ABCC11: variants seen among roughly 807,000 people sequenced by gnomAD.
ABCC11 encodes the protein ATP binding cassette subfamily C member 11.
Under a neutral mutation model 149.3 loss-of-function variants are expected in ABCC11, and 135 were observed. The ratio of observed to expected loss-of-function variants is 0.90; its 90% CI spans 0.79 to 1.04. ABCC11 has a LOEUF of 1.04. Ranked by LOEUF, ABCC11 falls within the 50% of genes least tolerant of loss-of-function variation. ABCC11 has a pLI of 0.00. For synonymous variants in ABCC11, 665 were observed against 671.4 expected, an observed-to-expected ratio of 0.99 and a Z score of 0.15; for missense variants, 1,680 against 1,722.1, an observed-to-expected ratio of 0.98 and a Z score of 0.43.
At chr16:48,190,046 G>A (rs984142717) in intron 20 of ABCC11, among the ~76,000 whole-genome samples, 6 of 152,130 alleles carry the variant, frequency 3.9e-5, no homozygotes, top group Non-Finnish European at 8.8e-5. Context: ...TTCAAGGAGT[G>A]AAGTCCCCAA....
At chr16:48,167,705 A>G in intron 28 of ABCC11, 45 bp from the exon 29 acceptor site, 1 of 1,606,236 alleles carries the variant, frequency 6.2e-7, no homozygotes, top group Non-Finnish European at 8.5e-7. Flanking sequence ...TTCAGGCCCT[A>G]GAGACCTGGG....
chr16:48,246,818 C>T (rs1971414652), intron 1 of ABCC11, among the ~76,000 whole-genome samples: 1 of 152,116 alleles, frequency 6.6e-6, no homozygotes, highest in African/African-American at 2.4e-5. Context: ...CAAGCTATCC[C>T]CTGCTTTGGC....
chr16:48,190,664 T>C (rs897463739), intron 20 of ABCC11, among the ~76,000 whole-genome samples: 11 of 152,164 alleles, frequency 7.2e-5, no homozygotes, highest in African/African-American at 2.7e-4. Flanking sequence ...TGCACCCAGC[T>C]GACAATTCAG....
At position 48,226,879 on chromosome 16, in the gene ABCC11, C is replaced by T. The variant is rs1381156240; in HGVS notation, c.395+927G>A. Among the ~76,000 whole-genome samples, 4 of 152,006 alleles carry T rather than the reference C, an allele frequency of 2.6e-5. No individual in the cohort carries two copies. The East Asian group carries it at 7.7e-4, about 29-fold the overall frequency. The stretch of plus-strand genomic sequence containing the variant: ...ACTGAATGCTCTTTATGGGGAGGCT[C>T]TTATGAGACTATAATTTCCAGAACA... On this transcript the variant is annotated intron_variant, in intron 4 of 29. Coordinates refer to ENST00000356608, the MANE Select transcript of ABCC11 (RefSeq NM_001370497.1).
intron 13 of ABCC11, 94 bp from the exon 14 acceptor site, chr16:48,203,394 T>G: frequency 1.7e-6 from 2 of 1,191,940 alleles, no homozygotes; most frequent in South Asian, 2.7e-5. Context: ...ATTTTCATGC[T>G]AAGAAATTTA....
At chr16:48,217,115 T>C (rs1969397559) in intron 6 of ABCC11, among the ~76,000 whole-genome samples, 1 of 152,164 alleles carries the variant, frequency 6.6e-6, no homozygotes, top group East Asian at 1.9e-4. Flanking sequence ...TGTCAAAGTA[T>C]TGGCTTCTAG....
intron 1 of ABCC11, among the ~76,000 whole-genome samples, chr16:48,246,444 C>T (rs566905976): frequency 1.5e-3 from 226 of 152,348 alleles, no homozygotes; most frequent in African/African-American, 5.1e-3. Flanking sequence ...CATTTTCTTT[C>T]TACTGTGCAT....
At chr16:48,175,697 T>A (rs1966017154) in intron 25 of ABCC11, among the ~76,000 whole-genome samples, 1 of 152,226 alleles carries the variant, frequency 6.6e-6, no homozygotes. Flanking sequence ...GTTAGGATTA[T>A]TTTTTAATTC....
intron 11 of ABCC11, chr16:48,210,121 T>C (rs990766578): frequency 6.6e-6 from 1 of 152,178 alleles, no homozygotes; most frequent in Non-Finnish European, 1.5e-5. Flanking sequence ...GGAAGGATGA[T>C]GGTGCCATCT....
At chr16:48,190,344 T>C (rs1267671990) in intron 20 of ABCC11, among the ~76,000 whole-genome samples, 2 of 151,870 alleles carry the variant, frequency 1.3e-5, no homozygotes, top group Non-Finnish European at 2.9e-5. Context: ...AGAAGCAGTG[T>C]GATACCATAA....
chr16:48,204,514 A>G (rs1267614656), intron 13 of ABCC11, among the ~76,000 whole-genome samples: 3 of 152,186 alleles, frequency 2.0e-5, no homozygotes, highest in African/African-American at 7.2e-5. Context: ...AGGAGGAGAC[A>G]TCTGGCTTCC....
chr16:48,192,083 G>A, intron 20 of ABCC11, among the ~76,000 whole-genome samples: 1 of 151,990 alleles, frequency 6.6e-6, no homozygotes, highest in Non-Finnish European at 1.5e-5. Context: ...AGGATTTTGA[G>A]ACTAGCCTGG....
intron 1 of ABCC11, among the ~76,000 whole-genome samples, chr16:48,237,006 GA>G (rs1192324360): frequency 1.3e-5 from 2 of 152,164 alleles, no homozygotes; most frequent in East Asian, 3.9e-4. Flanking sequence ...ACCGAGGTCT[GA>G]TTGCAAAAAT....
intron 22 of ABCC11, among the ~76,000 whole-genome samples, chr16:48,184,868 G>A (rs1220476964): frequency 5.3e-5 from 8 of 152,334 alleles, no homozygotes; most frequent in South Asian, 2.1e-4. Flanking sequence ...CTTAGCACGC[G>A]CTCCTCGCCT....
intron 3 of ABCC11, 74 bp downstream of exon 3, chr16:48,230,363 G>A (rs1307830481): frequency 1.4e-6 from 2 of 1,454,700 alleles, no homozygotes; most frequent in African/African-American, 2.9e-5. Context: ...CTTCGTGAGA[G>A]GTCTAGTTGG....
At chr16:48,245,866 C>A (rs1158780502) in intron 1 of ABCC11, among the ~76,000 whole-genome samples, 1 of 151,966 alleles carries the variant, frequency 6.6e-6, no homozygotes, top group African/African-American at 2.4e-5. Flanking sequence ...CAACAAGTAT[C>A]TTCAAACTCA....
intron 1 of ABCC11, among the ~76,000 whole-genome samples, chr16:48,245,522 A>G (rs1267290985): frequency 6.6e-6 from 1 of 152,122 alleles, no homozygotes; most frequent in Non-Finnish European, 1.5e-5. Flanking sequence ...TGGCTCGTCA[A>G]ATTGAGATGA....
At chr16:48,192,369 G>A in intron 20 of ABCC11, 151 bp downstream of exon 20, 1 of 829,546 alleles carries the variant, frequency 1.2e-6, no homozygotes, top group Non-Finnish European at 1.8e-6. Context: ...ACTTCAGCCT[G>A]GAAGGTGGAG....
chr16:48,187,013 T>C lies in ABCC11; in HGVS notation c.3011A>G (p.Asn1004Ser), dbSNP rs1297815244. 6.8e-6 allele frequency: 11 copies of C among 1,614,026 alleles called. No homozygotes were observed. The highest frequency in any genetic ancestry group is 1.3e-5 in the African/African-American group (1 of 74,910). Reference protein sequence around the residue: ...SRSPLFSHILNSLQGLSSIHV... With the variant: ...SRSPLFSHILSSLQGLSSIHV... Reference sequence around the variant, plus strand: ...GATGGAGCTCAGGCCTTGCAGAGAATTGAGGATGTGGGAGAATAAAGGAGA... The same window carrying C: ...GATGGAGCTCAGGCCTTGCAGAGAACTGAGGATGTGGGAGAATAAAGGAGA... Residue 1004 changes from asparagine (N) to serine (S), a missense_variant, in exon 22 of 30, where the codon AAT becomes AGT. Transcript: ENST00000356608.
Sources: allele counts gnomAD v4.1 joint callset (sites outside exome capture counted in the v4.1 genomes callset), GRCh38; gene constraint gnomAD v4.1.1; transcripts MANE v1.5; gene names NCBI Gene and HGNC (gene_info 2026-07-23, HGNC 2026-07-21).